The following CCDC32 variants were observed in gnomAD, a reference collection of about 807,000 sequenced individuals.
CCDC32 encodes coiled-coil domain-containing protein 32.
CCDC32 carries 9 observed loss-of-function variants against 20.1 expected under a neutral mutation model. The ratio of observed to expected loss-of-function variants is 0.45; its 90% confidence interval spans 0.27 to 0.78. The LOEUF is 0.78. CCDC32 is among the 30% of genes least tolerant of loss of function. CCDC32 has a pLI of 0.16. For missense variants in CCDC32, 204 were observed against 215.5 expected (o/e 0.95, Z 0.33); for synonymous variants, 63 against 79.0 (o/e 0.80, Z 1.07).
downstream of CCDC32, among the ~76,000 whole-genome samples, chr15:40,532,641 C>T (rs1232625359): frequency 6.6e-6 from 1 of 151,104 alleles, no homozygotes; most frequent in Non-Finnish European, 1.5e-5. Flanking sequence ...CTGTTCCATA[C>T]TGCTGCATAT....
At chr15:40,526,274 G>A (rs1894899550), downstream of CCDC32, among the ~76,000 whole-genome samples, 1 of 152,142 alleles carries the variant, frequency 6.6e-6, no homozygotes, top group African/African-American at 2.4e-5. Context: ...AACAGGCTGG[G>A]CTCATGCTCT....
downstream of CCDC32, among the ~76,000 whole-genome samples, chr15:40,524,076 C>G (rs1234885743): frequency 6.7e-6 from 1 of 150,164 alleles, no homozygotes; most frequent in Non-Finnish European, 1.5e-5. Context: ...TGTGGTATAT[C>G]CAGAACAATT....
chr15:40,553,639 T>A lies in CCDC32; in HGVS notation c.*332A>T, dbSNP rs748730133. The A allele has an allele frequency of 3.8e-4, 405 of 1,076,802 alleles. No individual in the cohort carries two copies. The highest frequency in any genetic ancestry group is 3.9e-4 in the Non-Finnish European group (344 of 891,398). 66.7% of individuals were successfully genotyped at this position (1,076,802 alleles called of 1,614,324 possible). A position where few individuals can be genotyped will look rare whatever the true frequency, so the allele number is the denominator to read the frequency against. ...TCAGTTTCTCCAAGTACTTTCACAT[T>A]TGATCTTTAGCAGACTTCTAACCTG... On this transcript the variant is annotated 3_prime_UTR_variant, in exon 4 of 4. Transcript: ENST00000416810.
intron 2 of CCDC32, among the ~76,000 whole-genome samples, chr15:40,560,593 T>C (rs757940945): frequency 3.9e-5 from 6 of 152,078 alleles, no homozygotes; most frequent in Non-Finnish European, 7.4e-5. Flanking sequence ...TGAGAAGATA[T>C]ACAAATGGCT....
chr15:40,562,621 G>C, intron 2 of CCDC32, 151 bp downstream of exon 2: 1 of 834,966 alleles, frequency 1.2e-6, no homozygotes, highest in South Asian at 1.7e-5. Flanking sequence ...TCAAGGAAAA[G>C]GGGGCTGCTT....
chr15:40,551,682 C>A (rs1159796589), downstream of CCDC32, among the ~76,000 whole-genome samples: 1 of 151,872 alleles, frequency 6.6e-6, no homozygotes, highest in Non-Finnish European at 1.5e-5. Context: ...TGGTGGTATG[C>A]ACCTGTAGTC....
downstream of CCDC32, among the ~76,000 whole-genome samples, chr15:40,550,370 TC>T (rs922587078): frequency 1.3e-5 from 2 of 152,212 alleles, no homozygotes; most frequent in African/African-American, 4.8e-5. Flanking sequence ...TAACTGGAGT[TC>T]CTTGGAGTTT....
chr15:40,523,436 G>A, the CCDC32 span, among the ~76,000 whole-genome samples: 12 of 151,122 alleles, frequency 7.9e-5, no homozygotes, highest in East Asian at 7.8e-4. Flanking sequence ...CCTGGGAGGC[G>A]GAGGTTGTGG....
intron 3 of CCDC32, chr15:40,528,870 T>A (rs1894933542): frequency 3.0e-6 from 2 of 665,416 alleles, no homozygotes; most frequent in African/African-American, 3.6e-5. Context: ...GCTCTGAGCC[T>A]GGGATTTCCA....
At chr15:40,528,397 C>T (rs1894926485), downstream of CCDC32, among the ~76,000 whole-genome samples, 1 of 152,182 alleles carries the variant, frequency 6.6e-6, no homozygotes, top group African/African-American at 2.4e-5. Context: ...GCAAGGCCAT[C>T]ATTAACCCTG....
At chr15:40,557,406 G>A in intron 2 of CCDC32, 34 bp from the exon 3 acceptor site, 3 of 1,553,838 alleles carry the variant, frequency 1.9e-6, no homozygotes, top group Non-Finnish European at 2.6e-6. Flanking sequence ...CAAGGAAAAT[G>A]AGCATGACAT....
At chr15:40,554,984 C>T (rs1436771245) in intron 3 of CCDC32, among the ~76,000 whole-genome samples, 3 of 152,178 alleles carry the variant, frequency 2.0e-5, no homozygotes, top group African/African-American at 7.2e-5. Context: ...ATTTCTCAGC[C>T]CATTACTCCC....
chr15:40,538,915 G>A (rs932098369), downstream of CCDC32: 8 of 368,120 alleles, frequency 2.2e-5, no homozygotes, highest in Admixed American at 4.0e-5. Flanking sequence ...ACCCATGAGC[G>A]CTGCCAACTG....
intron 1 of CCDC32, among the ~76,000 whole-genome samples, chr15:40,563,598 G>A (rs942481876): frequency 2.6e-5 from 4 of 151,756 alleles, no homozygotes; most frequent in Admixed American, 1.3e-4. Context: ...GGTAGTTATG[G>A]TTGCACAACA....
chr15:40,530,226 GA>G, downstream of CCDC32, among the ~76,000 whole-genome samples: 2 of 150,086 alleles, frequency 1.3e-5, no homozygotes, highest in Non-Finnish European at 3.0e-5. Flanking sequence ...CTGGGAGGTA[GA>G]GGTCGCAGTG....
At chr15:40,543,163 A>G (rs1256917428) in intron 3 of CCDC32, among the ~76,000 whole-genome samples, 2 of 151,986 alleles carry the variant, frequency 1.3e-5, no homozygotes, top group African/African-American at 4.8e-5. Flanking sequence ...AAAATGGAAA[A>G]GAAAGAGAAA....
At chr15:40,551,794 A>T, downstream of CCDC32, among the ~76,000 whole-genome samples, 1 of 136,136 alleles carries the variant, frequency 7.3e-6, no homozygotes, top group South Asian at 2.5e-4. Context: ...CTGGTGATAG[A>T]GTGAGACCCT....
chr15:40,555,073 T>A (rs533807364), intron 3 of CCDC32, among the ~76,000 whole-genome samples: 1 of 152,308 alleles, frequency 6.6e-6, no homozygotes, highest in Non-Finnish European at 1.5e-5. Flanking sequence ...CATTGTAAAA[T>A]GGCCTCTGTT....
chr15:40,544,497 C>T (rs1247962919), intron 3 of CCDC32, among the ~76,000 whole-genome samples: 1 of 152,146 alleles, frequency 6.6e-6, no homozygotes, highest in African/African-American at 2.4e-5. Flanking sequence ...GATTGTTAAG[C>T]CTAAACCACT....
Sources: allele counts gnomAD v4.1 joint callset (sites outside exome capture counted in the v4.1 genomes callset), GRCh38; gene constraint gnomAD v4.1.1; transcripts MANE v1.5; gene names NCBI Gene and HGNC (gene_info 2026-07-23, HGNC 2026-07-21).